LRRC37A2: variants seen among roughly 807,000 people sequenced by gnomAD.
LRRC37A2 encodes the protein leucine-rich repeat-containing protein 37A2.
A neutral mutation model predicts 68.8 loss-of-function variants in LRRC37A2; 9 were observed. The ratio of observed to expected loss-of-function variants is 0.13; its 90% CI spans 0.08 to 0.23. LRRC37A2 has a LOEUF of 0.23. Ranked by LOEUF, LRRC37A2 falls within the 10% of genes least tolerant of loss-of-function variation. The probability of loss-of-function intolerance (pLI) is 1.00; values close to 1 mark genes in which losing one functional copy is unlikely to be tolerated. For missense variants in LRRC37A2, 168 were observed against 950.4 expected, an observed-to-expected ratio of 0.18 and a Z score of 10.82; for synonymous variants, 63 against 367.6, an observed-to-expected ratio of 0.17 and a Z score of 9.48.
At chr17:46,980,755 C>T in the LRRC37A2 span, among the ~76,000 whole-genome samples, 1 of 151,450 alleles carries the variant, frequency 6.6e-6, no homozygotes. Flanking sequence ...ATGGCGTGAA[C>T]CCGGGAGGTG....
chr17:46,834,109 TGCTTGAGCCC>T, the LRRC37A2 span, among the ~76,000 whole-genome samples: 1 of 152,094 alleles, frequency 6.6e-6, no homozygotes, highest in Admixed American at 6.5e-5. Context: ...GGGAGAGGAT[TGCTTGAGCCC>T]AGGCATTTGA....
chr17:46,778,670 T>C, the LRRC37A2 span, among the ~76,000 whole-genome samples: 1 of 152,222 alleles, frequency 6.6e-6, no homozygotes, highest in Non-Finnish European at 1.5e-5. Flanking sequence ...GCTCCTCGAT[T>C]CTTTGTGCCA....
chr17:46,851,438 C>A, the LRRC37A2 span: 6 of 307,024 alleles, frequency 2.0e-5, no homozygotes, highest in African/African-American at 1.3e-4. This position sits in a 1 kb window ranked among gnomAD's most constrained non-coding sequence, Gnocchi z 4.3. Context: ...CTGCCCCACC[C>A]GCGACGGGGC....
the LRRC37A2 span, among the ~76,000 whole-genome samples, chr17:46,779,107 C>CCA: frequency 2.1e-5 from 1 of 46,870 alleles, no homozygotes; most frequent in Admixed American, 1.7e-4. Flanking sequence ...ACACACACCC[C>CCA]AGCCCACTCG....
At chr17:47,018,159 C>G in the LRRC37A2 span, 1 of 1,592,180 alleles carries the variant, frequency 6.3e-7, no homozygotes, top group Admixed American at 1.7e-5. Context: ...CCAAACCCAG[C>G]AGGAGACCCC....
At chr17:46,971,680 G>A in the LRRC37A2 span, among the ~76,000 whole-genome samples, 3 of 152,286 alleles carry the variant, frequency 2.0e-5, no homozygotes, top group African/African-American at 7.2e-5. Context: ...GGCCTTGGAA[G>A]GTGAAGCGAC....
At chr17:46,829,003 G>C in the LRRC37A2 span, among the ~76,000 whole-genome samples, 2 of 152,116 alleles carry the variant, frequency 1.3e-5, no homozygotes, top group Non-Finnish European at 2.9e-5. Flanking sequence ...GCCCAGTGCT[G>C]CCTTTGCATT....
At chr17:46,503,143 C>T in the LRRC37A2 span, among the ~76,000 whole-genome samples, 2 of 146,304 alleles carry the variant, frequency 1.4e-5, no homozygotes, top group African/African-American at 2.6e-5. Flanking sequence ...ACCCGGGAGG[C>T]GGAGCTTGCA....
the LRRC37A2 span, chr17:46,818,663 T>G: frequency 7.0e-7 from 1 of 1,433,522 alleles, no homozygotes; most frequent in Non-Finnish European, 9.6e-7. Flanking sequence ...CCCCCAATAG[T>G]TGGAACAAAG....
chr17:46,684,427 T>C, the LRRC37A2 span, among the ~76,000 whole-genome samples: 1 of 152,012 alleles, frequency 6.6e-6, no homozygotes, highest in East Asian at 1.9e-4. Context: ...TCAATAAACA[T>C]GTGTGCATGT....
chr17:46,721,614 C>T, the LRRC37A2 span: 3 of 1,581,248 alleles, frequency 1.9e-6, no homozygotes, highest in African/African-American at 4.0e-5. Context: ...TCAAAATTAA[C>T]ATCCTTGCCC....
the LRRC37A2 span, among the ~76,000 whole-genome samples, chr17:46,791,587 A>C: frequency 1.3e-5 from 2 of 151,616 alleles, no homozygotes; most frequent in South Asian, 4.2e-4. Flanking sequence ...CCTTCCCCTC[A>C]CTGTGTACAA....
At chr17:47,019,281 G>A in the LRRC37A2 span, 3 of 1,594,038 alleles carry the variant, frequency 1.9e-6, no homozygotes, top group Non-Finnish European at 2.6e-6. Flanking sequence ...AGGACACCCT[G>A]AGGTGACACT....
the LRRC37A2 span, chr17:46,872,748 G>A: frequency 1.2e-6 from 2 of 1,611,066 alleles, no homozygotes; most frequent in Admixed American, 1.7e-5. Context: ...GTAGCCTGGA[G>A]GGCAGGATGG....
the LRRC37A2 span, among the ~76,000 whole-genome samples, chr17:46,836,095 C>CGTGTGTGTCTGTGT: frequency 7.9e-6 from 1 of 126,434 alleles, no homozygotes; most frequent in South Asian, 3.1e-4. Flanking sequence ...GAGACGCTGA[C>CGTGTGTGTCTGTGT]GTGTGTGTGT....
At chr17:47,007,011 G>C in the LRRC37A2 span, among the ~76,000 whole-genome samples, 1 of 152,174 alleles carries the variant, frequency 6.6e-6, no homozygotes, top group South Asian at 2.1e-4. Context: ...GTTCTCAAGA[G>C]TTAGCACAGT....
chr17:46,923,201 C>G, the LRRC37A2 span: 5 of 1,548,504 alleles, frequency 3.2e-6, no homozygotes, highest in African/African-American at 2.7e-5. Flanking sequence ...ACATGGATCC[C>G]CTGTTCCAGC....
chr17:46,899,880 A>C, the LRRC37A2 span, among the ~76,000 whole-genome samples: 1 of 151,876 alleles, frequency 6.6e-6, no homozygotes, highest in Non-Finnish European at 1.5e-5. Flanking sequence ...GGAATTAAGG[A>C]GATATATAGT....
chr17:46,883,010 CCT>C, the LRRC37A2 span, among the ~76,000 whole-genome samples: 1 of 151,930 alleles, frequency 6.6e-6, no homozygotes, highest in Non-Finnish European at 1.5e-5. Context: ...ACAGAGTCTC[CCT>C]CTGTCTCCCA....
Sources: allele counts gnomAD v4.1 joint callset (sites outside exome capture counted in the v4.1 genomes callset), GRCh38; gene constraint gnomAD v4.1.1; non-coding constraint Gnocchi (gnomAD v3.1); transcripts MANE v1.5; gene names NCBI Gene and HGNC (gene_info 2026-07-23, HGNC 2026-07-21).